CTNNA2: variants seen among roughly 807,000 people sequenced by gnomAD.
The protein encoded by CTNNA2 is catenin alpha 2, also known as catenin alpha-2.
A neutral mutation model predicts 101.0 loss-of-function variants in CTNNA2; 42 were observed. The ratio of observed to expected loss-of-function variants is 0.42; its 90% confidence interval spans 0.32 to 0.54. The LOEUF (loss-of-function observed/expected upper bound fraction) is 0.54, where lower values mean the gene tolerates loss of function less well. Among genes scored for constraint, CTNNA2 ranks in the 20% least tolerant of loss-of-function variants. CTNNA2 has a pLI of 0.14. For synonymous variants in CTNNA2, 450 were observed against 456.4 expected (o/e 0.99, Z 0.18); for missense variants, 871 against 1,223.1 (o/e 0.71, Z 4.29).
At chr2:79,888,093 G>T (rs925458773) in intron 6 of CTNNA2, among the ~76,000 whole-genome samples, 1 of 152,164 alleles carries the variant, frequency 6.6e-6, no homozygotes, top group Admixed American at 6.5e-5. Flanking sequence ...GTCTACCTAT[G>T]ACAACCTTCT....
chr2:80,483,514 A>G (rs1005244782), intron 9 of CTNNA2, among the ~76,000 whole-genome samples: 2 of 152,074 alleles, frequency 1.3e-5, no homozygotes, highest in African/African-American at 4.8e-5. Context: ...CAATCCTACT[A>G]TGTACCAGGC....
intron 7 of CTNNA2, among the ~76,000 whole-genome samples, chr2:80,134,788 T>G (rs1273421353): frequency 6.6e-6 from 1 of 152,210 alleles, no homozygotes; most frequent in African/African-American, 2.4e-5. Context: ...CGAAAGAGTT[T>G]ACAGACATTG....
chr2:80,224,263 T>C (rs1708743452), intron 7 of CTNNA2, among the ~76,000 whole-genome samples: 2 of 152,102 alleles, frequency 1.3e-5, no homozygotes, highest in South Asian at 4.1e-4. Flanking sequence ...CACCCACCCT[T>C]ACCCTCTTCT....
chr2:80,298,547 A>AC (rs1158750814), intron 7 of CTNNA2: 2 of 152,184 alleles, frequency 1.3e-5, no homozygotes, highest in African/African-American at 4.8e-5. Context: ...GTGGCCCCTA[A>AC]TCCTACCAGA....
chr2:79,599,710 A>G (rs62140074), intron 1 of CTNNA2, among the ~76,000 whole-genome samples: 20,669 of 152,208 alleles, frequency 0.14, 2,389 homozygotes, highest in African/African-American at 0.32. Flanking sequence ...ACAAAAACTC[A>G]GTCTAGAAAA....
intron 3 of CTNNA2, among the ~76,000 whole-genome samples, chr2:79,364,030 C>T (rs761876363): frequency 2.6e-5 from 4 of 152,130 alleles, no homozygotes; most frequent in Non-Finnish European, 4.4e-5. Context: ...TCTAAAGGTA[C>T]CCTTAACATG....
chr2:79,504,288 T>TTTTG (rs1283874280), intron 4 of CTNNA2, among the ~76,000 whole-genome samples: 1 of 152,170 alleles, frequency 6.6e-6, no homozygotes, highest in Non-Finnish European at 1.5e-5. Flanking sequence ...TTTAATCTTT[T>TTTTG]TTTGTTTGTT....
chr2:79,831,490 T>C (rs1678924395), intron 3 of CTNNA2, among the ~76,000 whole-genome samples: 1 of 152,148 alleles, frequency 6.6e-6, no homozygotes, highest in Admixed American at 6.6e-5. Flanking sequence ...AACAAGGTGC[T>C]TTTGTCTGTG....
chr2:79,729,003 G>T (rs1294121170), intron 2 of CTNNA2, among the ~76,000 whole-genome samples: 1 of 152,112 alleles, frequency 6.6e-6, no homozygotes, highest in Non-Finnish European at 1.5e-5. Context: ...TTTGAAGTCA[G>T]GTAGCGTGAT....
At position 80,522,645 on chromosome 2, in the gene CTNNA2, G is replaced by A. The variant is rs116446096; in HGVS notation, c.1291-22337G>A. On this transcript the variant is annotated intron_variant, in intron 9 of 18. Coordinates refer to ENST00000402739, the MANE Select transcript of CTNNA2 (RefSeq NM_001282597.3). ...TGGGAGGTGATTGGATCATGGGGAT[G>A]GTTTAGTACCATCCCCTTAGTGCTG... 4.5e-3 allele frequency among the ~76,000 whole-genome samples: 689 copies of A among 152,086 alleles called. 7 individuals carry two copies. Among genetic ancestry groups the A allele is most frequent in the African/African-American group, 0.016 (664 of 41,488 alleles).
chr2:79,537,062 T>G (rs1673119650), intron 1 of CTNNA2, among the ~76,000 whole-genome samples: 1 of 152,176 alleles, frequency 6.6e-6, no homozygotes, highest in African/African-American at 2.4e-5. Flanking sequence ...TTGCCACTGT[T>G]TGCAAAATTG....
chr2:79,614,670 G>A (rs928678657), intron 1 of CTNNA2, among the ~76,000 whole-genome samples: 1 of 152,036 alleles, frequency 6.6e-6, no homozygotes, highest in Non-Finnish European at 1.5e-5. Context: ...TAACAACACA[G>A]TTATGCTTTT....
In CTNNA2 at chr2:80,075,598, A is replaced by T. The variant is rs866139222; in HGVS notation, c.1056+165801A>T. 4.0e-3 allele frequency among the ~76,000 whole-genome samples: 299 copies of T among 73,942 alleles called. 16 individuals are homozygous for T. Among genetic ancestry groups the T allele is most frequent in the African/African-American group, 0.014 (266 of 18,918 alleles). The allele number at this position is 73,942 out of a possible 152,430, so 48.5% of individuals were successfully genotyped here. A position where few individuals can be genotyped will look rare whatever the true frequency, so the allele number is the denominator to read the frequency against. ...ATAATATTTATACATGTATAAATATAAATATTTATACATGTATAAATATAA... is the reference window on the plus strand; with the variant it reads ...ATAATATTTATACATGTATAAATATTAATATTTATACATGTATAAATATAA... On this transcript the variant is annotated intron_variant, in intron 7 of 18. Coordinates refer to ENST00000402739, the MANE Select transcript of CTNNA2 (RefSeq NM_001282597.3).
chr2:80,191,432 G>T (rs1350012157), intron 7 of CTNNA2, among the ~76,000 whole-genome samples: 2 of 152,138 alleles, frequency 1.3e-5, no homozygotes, highest in African/African-American at 2.4e-5. Context: ...GACTAGTTAA[G>T]ATGTAATCCC....
At chr2:80,141,180 G>A in intron 7 of CTNNA2, among the ~76,000 whole-genome samples, 1 of 152,088 alleles carries the variant, frequency 6.6e-6, no homozygotes, top group East Asian at 1.9e-4. Context: ...TGAGAAGGGT[G>A]ATGAGTCACT....
intron 9 of CTNNA2, among the ~76,000 whole-genome samples, chr2:80,438,230 T>G (rs1682220195): frequency 6.6e-6 from 1 of 152,128 alleles, no homozygotes; most frequent in South Asian, 2.1e-4. Context: ...GCGTCCAGTT[T>G]TTCTTTTATA....
chr2:79,599,492 C>A (rs1023798638), intron 1 of CTNNA2, among the ~76,000 whole-genome samples: 2 of 151,992 alleles, frequency 1.3e-5, no homozygotes, highest in Non-Finnish European at 2.9e-5. Flanking sequence ...CCCTAAGATT[C>A]TCTGTGGCCT....
chr2:80,586,731 C>T (rs1696004878), intron 14 of CTNNA2, among the ~76,000 whole-genome samples: 1 of 152,074 alleles, frequency 6.6e-6, no homozygotes, highest in Admixed American at 6.6e-5. Context: ...TTTTAGATAT[C>T]TTAATAGTAT....
At chr2:80,499,686 T>A (rs1391954189) in intron 9 of CTNNA2, among the ~76,000 whole-genome samples, 1 of 151,990 alleles carries the variant, frequency 6.6e-6, no homozygotes. Context: ...GCAGGCGTGG[T>A]GGTGAGTACA....
Sources: allele counts gnomAD v4.1 joint callset (sites outside exome capture counted in the v4.1 genomes callset), GRCh38; gene constraint gnomAD v4.1.1; transcripts MANE v1.5; gene names NCBI Gene and HGNC (gene_info 2026-07-23, HGNC 2026-07-21).